ZNF385B: variants seen among roughly 807,000 people sequenced by gnomAD.
The protein encoded by ZNF385B is zinc finger protein 385B, also known as zinc finger protein 533.
A neutral mutation model predicts 39.2 loss-of-function variants in ZNF385B; 23 were observed. That is an observed-to-expected ratio of 0.59 (90% confidence interval 0.42 to 0.83). The LOEUF (loss-of-function observed/expected upper bound fraction) is 0.83. Among genes scored for constraint, ZNF385B ranks in the 40% least tolerant of loss-of-function variants. The pLI is 0.00. For synonymous variants in ZNF385B, 205 were observed against 222.6 expected, an observed-to-expected ratio of 0.92 and a Z score of 0.70; for missense variants, 552 against 598.9, an observed-to-expected ratio of 0.92 and a Z score of 0.82.
chr2:179,566,535 T>C (rs1015332271), intron 3 of ZNF385B, among the ~76,000 whole-genome samples: 17 of 152,234 alleles, frequency 1.1e-4, no homozygotes, highest in African/African-American at 3.6e-4. Flanking sequence ...GAAGCCAACT[T>C]AGTTGTGTAT....
intron 3 of ZNF385B, chr2:179,584,194 G>A (rs971296418): frequency 3.0e-6 from 1 of 333,160 alleles, no homozygotes; most frequent in African/African-American, 2.2e-5. Flanking sequence ...ATATTATAGG[G>A]ATGTAGGCAG....
Position 179,658,733 on chromosome 2 carries a change from G to T in ZNF385B, c.298+110770C>A, listed in dbSNP as rs530844185. Reference sequence around the variant, plus strand: ...TCATTTAAGCTACTAATATAGTTATGTTTACTATATCCCCAATAGGTTATC... The same window carrying T: ...TCATTTAAGCTACTAATATAGTTATTTTTACTATATCCCCAATAGGTTATC... On this transcript the variant is annotated intron_variant, in intron 3 of 9. Coordinates refer to ENST00000410066, the MANE Select transcript of ZNF385B (RefSeq NM_152520.6). Among the ~76,000 whole-genome samples, 4 of 152,232 alleles carry T rather than the reference G, an allele frequency of 2.6e-5. No homozygotes were observed. In the South Asian group the frequency reaches 8.3e-4, roughly 32 times the overall value.
chr2:179,771,515 C>T (rs1050034049), intron 1 of ZNF385B, among the ~76,000 whole-genome samples: 1 of 148,652 alleles, frequency 6.7e-6, no homozygotes, highest in African/African-American at 2.4e-5. Context: ...TTCCTTTTAG[C>T]TCCTGCCTTA....
chr2:179,794,376 A>G (rs930936095), intron 1 of ZNF385B, among the ~76,000 whole-genome samples: 4 of 148,662 alleles, frequency 2.7e-5, no homozygotes, highest in Admixed American at 6.8e-5. Context: ...TAAACAGATT[A>G]TCAGTTTCTG....
At chr2:179,701,284 C>T (rs548370589) in intron 3 of ZNF385B, among the ~76,000 whole-genome samples, 4 of 152,244 alleles carry the variant, frequency 2.6e-5, no homozygotes, top group East Asian at 1.9e-4. Flanking sequence ...AAGGATTCCC[C>T]GGAGCTATTT....
rs146431154 is a variant in ZNF385B at position 179,723,958 on chromosome 2, T to C, written c.298+45545A>G. Reference sequence around the variant, plus strand: ...CTCATACATCATATAAAAACTAGTATATTCTAGTATTACCAATTAGTACAA... The same window carrying C: ...CTCATACATCATATAAAAACTAGTACATTCTAGTATTACCAATTAGTACAA... On this transcript the variant is annotated intron_variant, in intron 3 of 9. Coordinates refer to ENST00000410066, the MANE Select transcript of ZNF385B (RefSeq NM_152520.6). Among the ~76,000 whole-genome samples the C allele has an allele frequency of 4.6e-3, 704 of 152,262 alleles. 5 individuals carry two copies. Among genetic ancestry groups the C allele is most frequent in the Non-Finnish European group, 8.0e-3 (543 of 68,004 alleles).
intron 6 of ZNF385B, among the ~76,000 whole-genome samples, chr2:179,460,342 C>A (rs1384572273): frequency 6.6e-6 from 1 of 152,202 alleles, no homozygotes; most frequent in East Asian, 1.9e-4. Flanking sequence ...CCAAGCTAAC[C>A]ATGGCAGGAA....
chr2:179,763,363 T>C (rs988864638), intron 3 of ZNF385B, among the ~76,000 whole-genome samples: 1 of 152,224 alleles, frequency 6.6e-6, no homozygotes, highest in Non-Finnish European at 1.5e-5. Flanking sequence ...ATGTATCTCA[T>C]TGGTATCTTC....
intron 3 of ZNF385B, among the ~76,000 whole-genome samples, chr2:179,688,511 C>CAACAACAACAAG (rs974867952): frequency 4.6e-5 from 7 of 151,634 alleles, no homozygotes; most frequent in African/African-American, 1.7e-4. Flanking sequence ...ACAACAACAA[C>CAACAACAACAAG]AACAACAAAA....
intron 5 of ZNF385B, among the ~76,000 whole-genome samples, chr2:179,497,290 T>C (rs2056316937): frequency 6.6e-6 from 1 of 152,136 alleles, no homozygotes; most frequent in Non-Finnish European, 1.5e-5. Context: ...TAAACTACTC[T>C]TAGCCTAAGT....
At chr2:179,476,016 C>CAAAAAAA (rs34327373) in intron 6 of ZNF385B, among the ~76,000 whole-genome samples, 3 of 57,036 alleles carry the variant, frequency 5.3e-5, no homozygotes, top group Non-Finnish European at 6.4e-5. Flanking sequence ...GCCTCTGTCT[C>CAAAAAAA]AAAAAAAAAA....
chr2:179,504,577 T>C (rs2057077774), intron 5 of ZNF385B, among the ~76,000 whole-genome samples: 1 of 151,874 alleles, frequency 6.6e-6, no homozygotes, highest in Admixed American at 6.6e-5. Context: ...TTCTAACTGG[T>C]GTGAGATGGT....
At chr2:179,619,351 T>C (rs1227430476) in intron 3 of ZNF385B, among the ~76,000 whole-genome samples, 2 of 152,218 alleles carry the variant, frequency 1.3e-5, no homozygotes, top group African/African-American at 4.8e-5. Context: ...TTCTCTCAGA[T>C]TAATAGTTTT....
At chr2:179,484,637 G>T (rs1259783669) in intron 5 of ZNF385B, among the ~76,000 whole-genome samples, 6 of 151,986 alleles carry the variant, frequency 3.9e-5, no homozygotes, top group Non-Finnish European at 7.4e-5. Context: ...GACAGAATGG[G>T]TCTCTGTCTT....
At chr2:179,561,889 T>A (rs1420128088) in intron 3 of ZNF385B, among the ~76,000 whole-genome samples, 2 of 152,108 alleles carry the variant, frequency 1.3e-5, no homozygotes, top group African/African-American at 4.8e-5. Context: ...ATGGTGCCTA[T>A]CATAAAAATC....
At chr2:179,592,313 TA>T (rs1352354280) in intron 3 of ZNF385B, among the ~76,000 whole-genome samples, 11 of 152,238 alleles carry the variant, frequency 7.2e-5, no homozygotes, top group African/African-American at 2.4e-4. Flanking sequence ...TTAAATAACT[TA>T]AATGCCATTT....
intron 5 of ZNF385B, 39 bp downstream of exon 5, chr2:179,518,489 C>A: frequency 7.0e-7 from 1 of 1,431,658 alleles, no homozygotes; most frequent in South Asian, 1.2e-5. Flanking sequence ...ACTTTTAGCT[C>A]TGACAAACTA....
chr2:179,450,358 C>T (rs868658082), intron 6 of ZNF385B, among the ~76,000 whole-genome samples: 21 of 152,168 alleles, frequency 1.4e-4, no homozygotes, highest in Admixed American at 9.2e-4. Context: ...ACTCATCTGA[C>T]AAAGGGCTAA....
chr2:179,449,579 C>G (rs1410221092), intron 6 of ZNF385B, among the ~76,000 whole-genome samples: 1 of 152,084 alleles, frequency 6.6e-6, no homozygotes, highest in Non-Finnish European at 1.5e-5. Flanking sequence ...GAACTAGAAA[C>G]CACTGCTCAA....
Sources: gnomAD v4.1 joint callset for allele counts (sites outside exome capture counted in the v4.1 genomes callset) on GRCh38, gnomAD v4.1.1 for gene constraint, MANE v1.5 for transcripts, NCBI Gene and HGNC (gene_info 2026-07-23, HGNC 2026-07-21) for gene names.